IGSF9: variants seen among roughly 807,000 people sequenced by gnomAD.
IGSF9 encodes the protein protein turtle homolog A.
IGSF9 carries 87 observed loss-of-function variants against 121.7 expected under a neutral mutation model. The ratio of observed to expected loss-of-function variants is 0.71; its 90% CI spans 0.60 to 0.85. IGSF9 has a LOEUF of 0.85. Among genes scored for constraint, IGSF9 ranks in the 40% least tolerant of loss-of-function variants. IGSF9 has a pLI of 0.00. For synonymous variants in IGSF9, 640 were observed against 648.4 expected (o/e 0.99, Z 0.20); for missense variants, 1,462 against 1,565.3 (o/e 0.93, Z 1.11).
intron 9 of IGSF9, chr1:159,933,781 C>A (rs549971462): frequency 6.6e-5 from 17 of 257,824 alleles, no homozygotes; most frequent in African/African-American, 3.7e-4. Context: ...GTCCTCTGCC[C>A]AGATGGTGCC....
At chr1:159,938,587 C>T (rs1651277952) in intron 3 of IGSF9, among the ~76,000 whole-genome samples, 3 of 152,216 alleles carry the variant, frequency 2.0e-5, no homozygotes, top group Non-Finnish European at 4.4e-5. Flanking sequence ...CCTCAGCACC[C>T]TCCCTGGATG....
At position 159,942,946 on chromosome 1, in the gene IGSF9, C is replaced by A. The variant is rs377638885; in HGVS notation, c.247+17G>T. ...TTGCTGATACCTCCCTACCTCCCAC[C>A]TGAGGAGAACTCTTACCCACGTAAT... is the stretch of plus-strand genomic sequence containing the variant. On this transcript the variant is annotated intron_variant, in intron 3 of 20. Coordinates refer to ENST00000368094, the MANE Select transcript of IGSF9 (RefSeq NM_001135050.2). 2.2e-5 allele frequency: 35 copies of A among 1,607,416 alleles called. No homozygotes were observed. Among genetic ancestry groups the A allele is most frequent in the Non-Finnish European group, 2.8e-5 (33 of 1,177,088 alleles).
Position 159,934,703 on chromosome 1 carries a change from T to G in IGSF9, c.793A>C (p.Asn265His). 1 of 1,614,236 alleles carries G rather than the reference T, an allele frequency of 6.2e-7. No homozygotes were observed. Among genetic ancestry groups the G allele is most frequent in the South Asian group, 1.1e-5 (1 of 91,090 alleles). Residue 265 changes from asparagine to histidine, a missense_variant, in exon 7 of 21, where the codon AAC becomes CAC. Coordinates refer to ENST00000368094, the MANE Select transcript of IGSF9 (RefSeq NM_001135050.2). ...ANLTYSWFQD[N>H]INVFHISRLQ... ...CACCTAATGTGGAAGACATTGATGT[T>G]GTCCTGGAACCAGCTGTAGGTGAGG...
rs1211729912 is a variant in IGSF9 at position 159,932,869 on chromosome 1, C to G, written c.1105-217G>C. 2.0e-6 allele frequency: 1 copy of G among 503,160 alleles called. No homozygotes were observed. Among genetic ancestry groups the G allele is most frequent in the East Asian group, 3.5e-5 (1 of 28,556 alleles). The allele number at this position is 503,160 out of a possible 1,614,324, so 31.2% of individuals were successfully genotyped here. On this transcript the variant is annotated intron_variant, in intron 9 of 20. Coordinates refer to ENST00000368094, the MANE Select transcript of IGSF9 (RefSeq NM_001135050.2). This position sits in a 1 kb window ranked among gnomAD's most constrained non-coding sequence, Gnocchi z 4.1. ...AGTGTGAGGCTGTGACTGCACAACT[C>G]CAGGGGGTGCCACTCACAGAAAATA...
intron 9 of IGSF9, chr1:159,933,799 A>G (rs1478433352): frequency 3.7e-6 from 1 of 270,888 alleles, no homozygotes; most frequent in East Asian, 1.2e-4. Context: ...GCCCACTTTA[A>G]GGATGGATGC....
chr1:159,937,702 C>T lies in IGSF9; in HGVS notation c.384G>A (p.Val128=). ...GCTTCATACAATTGACTGTCAGATG[C>T]ACCCAGGAGCCGTTAGCAAAATCGT... The part of the protein sequence containing the change: ...PEDDFANGSW[V]HLTVNSPPQF... The change falls in exon 4 of 21, where the codon GTG becomes GTA. Residue 128 remains valine (V), a synonymous_variant. Transcript: ENST00000368094. The T allele has an allele frequency of 6.2e-7, 1 of 1,613,818 alleles. No homozygotes were observed. Among genetic ancestry groups the T allele is most frequent in the Non-Finnish European group, 8.5e-7 (1 of 1,179,768 alleles).
Position 159,927,352 on chromosome 1 carries a change from A to C in IGSF9, c.3533T>G (p.Leu1178Arg). The change falls in exon 21 of 21, where the codon CTG becomes CGG. Residue 1178 changes from leucine to arginine, a missense_variant. This residue lies in a region of IGSF9 where 808 missense variants were observed against 815.2 expected (regional missense o/e 0.99). Transcript: ENST00000368094. ...QPVPHPEQAT[L>R]L ...GCCTCACATCAGGGATGTTCACAGCAGAGTGGCCTGTTCGGGGTGGGGGAC... is the reference window on the plus strand; with the variant it reads ...GCCTCACATCAGGGATGTTCACAGCCGAGTGGCCTGTTCGGGGTGGGGGAC... 3 of 1,613,696 alleles carry C rather than the reference A, an allele frequency of 1.9e-6. No individual in the cohort carries two copies. The highest frequency in any genetic ancestry group is 2.5e-6 in the Non-Finnish European group (3 of 1,180,008).
At chr1:159,940,736 G>A (rs1651347199) in intron 3 of IGSF9, among the ~76,000 whole-genome samples, 2 of 152,220 alleles carry the variant, frequency 1.3e-5, no homozygotes, top group South Asian at 4.1e-4. Context: ...GGTGACTAGA[G>A]CAAGCAGGGG....
chr1:159,933,935 GC>G, intron 9 of IGSF9: 1 of 528,448 alleles, frequency 1.9e-6, no homozygotes, highest in Non-Finnish European at 3.4e-6. Flanking sequence ...TTGACTCTTT[GC>G]CATCATTTTC....
At chr1:159,927,630 G>A in intron 20 of IGSF9, 104 bp from the exon 21 acceptor site, 1 of 1,540,216 alleles carries the variant, frequency 6.5e-7, no homozygotes, top group Non-Finnish European at 8.8e-7. Context: ...TGGCCCAAGG[G>A]GGCAAGGCAC....
At position 159,930,284 on chromosome 1, in the gene IGSF9, C is replaced by G; in HGVS notation, c.1969G>C (p.Val657Leu). Residue 657 changes from valine to leucine, a missense_variant, in exon 15 of 21, where the codon GTC (valine) becomes CTC (leucine). Coordinates refer to ENST00000368094, the MANE Select transcript of IGSF9 (RefSeq NM_001135050.2). ...ELVPKRLDGY[V>L]LEGRQGSQGW... ...TGGGAGCCTTGCCGGCCTTCCAAGA[C>G]GTAGCCATCCAGTCTCTTAGGGACC... 12 of 1,613,878 alleles carry G rather than the reference C, an allele frequency of 7.4e-6. No individual in the cohort carries two copies. Among genetic ancestry groups the G allele is most frequent in the East Asian group, 2.2e-5 (1 of 44,852 alleles).
At chr1:159,935,906 T>G (rs1651165626) in intron 6 of IGSF9, among the ~76,000 whole-genome samples, 2 of 152,214 alleles carry the variant, frequency 1.3e-5, no homozygotes, top group Admixed American at 6.5e-5. Flanking sequence ...AACACTTCCC[T>G]GTTTCCCCAA....
At chr1:159,930,123 G>C in intron 15 of IGSF9, 66 bp downstream of exon 15, 2 of 1,554,364 alleles carry the variant, frequency 1.3e-6, no homozygotes, top group Non-Finnish European at 1.7e-6. Context: ...GATAGAGTTT[G>C]GGGAATGGAG....
At position 159,936,489 on chromosome 1, in the gene IGSF9, G is replaced by A. The variant is rs756228415; in HGVS notation, c.583C>T (p.Arg195Trp). The A allele has an allele frequency of 5.0e-6, 8 of 1,613,842 alleles. No homozygotes were observed. Among genetic ancestry groups the A allele is most frequent in the Non-Finnish European group, 5.9e-6 (7 of 1,179,990 alleles). ...ACCCCAGAGCTGCCTCGCTCTACCC[G>A]GCGGATCCGCAGCGTCCCGTTCTGC... ...QVQNGTLRIR[R>W]VERGSSGVYT... Residue 195 changes from arginine (R) to tryptophan (W), a missense_variant, in exon 6 of 21, where the codon CGG becomes TGG. By Grantham distance (101) the Arg-to-Trp change is moderately radical (BLOSUM62 -3). This residue lies in a region of IGSF9 where 558 missense variants were observed against 599.4 expected (regional missense o/e 0.93). Coordinates refer to ENST00000368094, the MANE Select transcript of IGSF9 (RefSeq NM_001135050.2).
rs1651194122 is a variant in IGSF9, at chr1:159,936,586, CCAG to C, written c.556-73_556-71del. 16 of 1,551,612 alleles carry C rather than the reference CCAG, an allele frequency of 1.0e-5. No homozygotes were observed. The Middle Eastern group carries it at 8.1e-4, about 78-fold the overall frequency. ...TCAGATCCTGCACTTCCGAGTTTGG[CCAG>C]CAGAGGGAGGCAGCACCCCAGGCTC... On this transcript the variant is annotated intron_variant, in intron 5 of 20. Coordinates refer to ENST00000368094, the MANE Select transcript of IGSF9 (RefSeq NM_001135050.2).
chr1:159,928,189 G>A lies in IGSF9; in HGVS notation c.3199C>T (p.Arg1067Ter), dbSNP rs1361892234. The A allele has an allele frequency of 5.6e-6, 9 of 1,610,966 alleles. No individual in the cohort carries two copies. The highest frequency in any genetic ancestry group is 1.3e-5 in the African/African-American group (1 of 74,924). ...SWASGPERWP[R>*]REHVVTVSKR... is the part of the protein sequence containing the mutation. Reference sequence around the variant, plus strand: ...CTGACTGTCACCACATGCTCCCTTCGGGGCCATCTCTCAGGGCCACTGGCC... The same window carrying A: ...CTGACTGTCACCACATGCTCCCTTCAGGGCCATCTCTCAGGGCCACTGGCC... Residue 1067 changes from arginine (R) to a stop codon, truncating the protein, a stop_gained, in exon 19 of 21, where the codon CGA becomes TGA. Transcript: ENST00000368094. LOFTEE classifies it high-confidence loss of function.
Position 159,928,184 on chromosome 1 carries a change from C to T in IGSF9, c.3204G>A (p.Arg1068=), listed in dbSNP as rs1650816088. Residue 1068 remains arginine, a synonymous_variant, in exon 19 of 21, where the codon AGG becomes AGA. Coordinates refer to ENST00000368094, the MANE Select transcript of IGSF9 (RefSeq NM_001135050.2). ...WASGPERWPR[R]EHVVTVSKRR... is the part of the protein sequence containing the mutation. ...TCTTGCTGACTGTCACCACATGCTCCCTTCGGGGCCATCTCTCAGGGCCAC... is the reference window on the plus strand; with the variant it reads ...TCTTGCTGACTGTCACCACATGCTCTCTTCGGGGCCATCTCTCAGGGCCAC... 1.2e-6 allele frequency: 2 copies of T among 1,610,364 alleles called. No individual in the cohort carries two copies. Among genetic ancestry groups the T allele is most frequent in the Non-Finnish European group, 8.5e-7 (1 of 1,179,880 alleles).
chr1:159,943,105 C>A lies in IGSF9; in HGVS notation c.105G>T (p.Glu35Asp). The A allele has an allele frequency of 6.2e-7, 1 of 1,603,834 alleles. No individual in the cohort carries two copies. Among genetic ancestry groups the A allele is most frequent in the South Asian group, 1.1e-5 (1 of 89,712 alleles). The change falls in exon 3 of 21, where the codon GAG becomes GAT. Residue 35 changes from glutamate (E) to aspartate (D), a missense_variant. Transcript: ENST00000368094. ...EVVSVVGRAG[E>D]SVVLGCDLLP... ...GCAGGTCACAGCCCAGCACCACACT[C>A]TCCCCAGCCCGGCCCACCACCGATA...
At chr1:159,933,477 G>A in intron 9 of IGSF9, 1 of 152,442 alleles carries the variant, frequency 6.6e-6, no homozygotes, top group Non-Finnish European at 1.5e-5. Context: ...GCCTTGGAAT[G>A]AGGCAATAGT....
Sources: gnomAD v4.1 joint callset for allele counts (sites outside exome capture counted in the v4.1 genomes callset) on GRCh38, gnomAD v4.1.1 for gene constraint, gnomAD v4.1.1 regional missense constraint, Gnocchi (gnomAD v3.1) non-coding constraint, MANE v1.5 for transcripts, NCBI Gene and HGNC (gene_info 2026-07-23, HGNC 2026-07-21) for gene names.